The following CLNK variants were observed in gnomAD, a reference collection of about 807,000 sequenced individuals.
The protein encoded by CLNK is cytokine-dependent hematopoietic cell linker.
In CLNK, 74 loss-of-function variants were observed where a neutral mutation model predicts 68.6. The ratio of observed to expected loss-of-function variants is 1.08; its 90% CI spans 0.89 to 1.31. The LOEUF is 1.31. Ranked by LOEUF, CLNK falls within the 50% of genes most tolerant of loss-of-function variation. CLNK has a pLI of 0.00. For synonymous variants in CLNK, 198 were observed against 172.2 expected (o/e 1.15, Z -1.17); for missense variants, 553 against 515.3 (o/e 1.07, Z -0.71).
chr4:10,642,313 G>A (rs975211934), intron 2 of CLNK, among the ~76,000 whole-genome samples: 2 of 152,198 alleles, frequency 1.3e-5, no homozygotes, highest in Non-Finnish European at 1.5e-5. Flanking sequence ...TATTGCACTT[G>A]CCCTCAGGGA....
chr4:10,499,180 A>T lies in CLNK; in HGVS notation c.1140+2076T>A, dbSNP rs543964027. ...GCCTACTTTATCTAAAAAAAATCAA[A>T]TGTTTAGCCAACTGGGATTAGTTTA... On this transcript the variant is annotated intron_variant, in intron 18 of 18. Transcript: ENST00000226951. Among the ~76,000 whole-genome samples the T allele has an allele frequency of 5.3e-5, 8 of 152,172 alleles. 1 individual carries two copies. The East Asian group carries it at 1.5e-3, about 29-fold the overall frequency.
chr4:10,591,958 G>C (rs546452471), intron 3 of CLNK, among the ~76,000 whole-genome samples: 1 of 152,282 alleles, frequency 6.6e-6, no homozygotes, highest in East Asian at 1.9e-4. Flanking sequence ...AAAAACACTG[G>C]AAGTGTTTAG....
At chr4:10,577,445 G>A (rs1034734945) in intron 4 of CLNK, among the ~76,000 whole-genome samples, 8 of 152,136 alleles carry the variant, frequency 5.3e-5, no homozygotes, top group East Asian at 1.9e-4. Context: ...TACCAGAACC[G>A]CTTGCTGTTT....
chr4:10,724,450 A>C, the CLNK span, among the ~76,000 whole-genome samples: 3 of 151,000 alleles, frequency 2.0e-5, no homozygotes, highest in African/African-American at 7.3e-5. Flanking sequence ...CTGGAATACT[A>C]TACGCCACTC....
Position 10,490,605 on chromosome 4 carries a change from A to G in CLNK, c.1149T>C (p.Asp383=). Residue 383 remains aspartate, a synonymous_variant, in exon 19 of 19, where the codon GAT becomes GAC. Coordinates refer to ENST00000226951, the MANE Select transcript of CLNK (RefSeq NM_052964.4). Reference sequence around the variant, plus strand: ...AGTGTTCGATGATGTCTTCTACTGAATCAAACTTCTGAAACACAGAAAAGA... The same window carrying G: ...AGTGTTCGATGATGTCTTCTACTGAGTCAAACTTCTGAAACACAGAAAAGA... ...GTGLRGDEKF[D]SVEDIIEHYK... The G allele has an allele frequency of 6.4e-7, 1 of 1,567,876 alleles. No individual in the cohort carries two copies.
At chr4:10,516,991 T>G (rs968888909) in intron 15 of CLNK, among the ~76,000 whole-genome samples, 2 of 152,066 alleles carry the variant, frequency 1.3e-5, no homozygotes, top group African/African-American at 4.8e-5. Context: ...AGCCATCAAT[T>G]TATATCTTCA....
chr4:10,515,892 G>C (rs1717814675), intron 15 of CLNK, among the ~76,000 whole-genome samples: 1 of 152,028 alleles, frequency 6.6e-6, no homozygotes, highest in African/African-American at 2.4e-5. Flanking sequence ...ACAGACCAAG[G>C]GATTTTACAG....
At chr4:10,585,274 G>A (rs1720927504) in intron 3 of CLNK, among the ~76,000 whole-genome samples, 1 of 152,168 alleles carries the variant, frequency 6.6e-6, no homozygotes, top group African/African-American at 2.4e-5. Context: ...TATAGGTAGT[G>A]TTAAATCAAG....
At chr4:10,649,068 A>C (rs1379713927) in intron 2 of CLNK, among the ~76,000 whole-genome samples, 1 of 152,148 alleles carries the variant, frequency 6.6e-6, no homozygotes, top group South Asian at 2.1e-4. Flanking sequence ...CCTTTGTAAA[A>C]CGTTAGTGAA....
chr4:10,577,195 C>T (rs1281774796), intron 4 of CLNK, among the ~76,000 whole-genome samples: 1 of 152,176 alleles, frequency 6.6e-6, no homozygotes, highest in Non-Finnish European at 1.5e-5. Flanking sequence ...AGACAGGTTC[C>T]CCAAGCAAAA....
At chr4:10,614,662 A>C (rs2720356) in intron 2 of CLNK, among the ~76,000 whole-genome samples, 5 of 152,064 alleles carry the variant, frequency 3.3e-5, no homozygotes, top group Non-Finnish European at 7.3e-5. Context: ...GAGGCCACGG[A>C]ATCTGTGTGC....
intron 3 of CLNK, among the ~76,000 whole-genome samples, chr4:10,594,579 C>T (rs1721317444): frequency 6.6e-6 from 1 of 152,178 alleles, no homozygotes; most frequent in Non-Finnish European, 1.5e-5. Context: ...CAGGCCCATG[C>T]TCTAGGAGCC....
rs1719057129 is a variant in CLNK at position 10,542,169 on chromosome 4, AG to A, written c.471+85del. Reference sequence around the variant, plus strand: ...AGACTTATAAGACATATTTTTCTAGAGATATCTGAGTTTTTGCATCATCTAT... The same window carrying A: ...AGACTTATAAGACATATTTTTCTAGAATATCTGAGTTTTTGCATCATCTAT... On this transcript the variant is annotated intron_variant, in intron 9 of 18. Transcript: ENST00000226951. 2.9e-5 allele frequency: 34 copies of A among 1,189,038 alleles called. No individual in the cohort carries two copies. The South Asian group carries it at 4.6e-4, about 16-fold the overall frequency. 73.7% of individuals were successfully genotyped at this position (1,189,038 alleles called of 1,614,324 possible).
At chr4:10,573,406 T>C (rs371911760) in intron 4 of CLNK, among the ~76,000 whole-genome samples, 3 of 152,176 alleles carry the variant, frequency 2.0e-5, no homozygotes, top group African/African-American at 4.8e-5. Flanking sequence ...CAGCCCATCC[T>C]TGGGGTTGGA....
chr4:10,732,441 T>G, the CLNK span, among the ~76,000 whole-genome samples: 4 of 152,164 alleles, frequency 2.6e-5, no homozygotes, highest in Non-Finnish European at 5.9e-5. Context: ...GGTTTTTAAG[T>G]AGGAGTGAAA....
the CLNK span, among the ~76,000 whole-genome samples, chr4:10,699,292 A>G: frequency 1.1e-4 from 2 of 18,062 alleles, no homozygotes; most frequent in Non-Finnish European, 2.9e-4. Context: ...ATACGTGTAT[A>G]CACACACACA....
At chr4:10,510,864 T>C (rs1717552849) in intron 16 of CLNK, among the ~76,000 whole-genome samples, 1 of 152,226 alleles carries the variant, frequency 6.6e-6, no homozygotes, top group South Asian at 2.1e-4. Flanking sequence ...CTGTCCCACC[T>C]TTCTGGACTG....
chr4:10,680,297 C>T (rs1291896523), intron 1 of CLNK, among the ~76,000 whole-genome samples: 2 of 140,404 alleles, frequency 1.4e-5, no homozygotes, highest in African/African-American at 5.4e-5. Flanking sequence ...TGTTCTCACT[C>T]ATAGGTGGGA....
intron 3 of CLNK, 48 bp downstream of exon 3, chr4:10,597,930 G>C: frequency 7.8e-7 from 1 of 1,283,586 alleles, no homozygotes; most frequent in Non-Finnish European, 1.1e-6. Context: ...ATTTGCTACA[G>C]AATTAAAATT....
Sources: allele counts gnomAD v4.1 joint callset (sites outside exome capture counted in the v4.1 genomes callset), GRCh38; gene constraint gnomAD v4.1.1; transcripts MANE v1.5; gene names NCBI Gene and HGNC (gene_info 2026-07-23, HGNC 2026-07-21).